ABHD5: variants seen among roughly 807,000 people sequenced by gnomAD.
ABHD5 encodes 1-acylglycerol-3-phosphate O-acyltransferase ABHD5.
ABHD5 carries 30 observed loss-of-function variants against 44.9 expected under a neutral mutation model. That is an observed-to-expected ratio of 0.67 (90% CI 0.50 to 0.91). The LOEUF (loss-of-function observed/expected upper bound fraction) is 0.91, where lower values mean the gene tolerates loss of function less well. Ranked by LOEUF, ABHD5 falls within the 40% of genes least tolerant of loss-of-function variation. The pLI, the probability that ABHD5 is intolerant of heterozygous loss-of-function variation, is 0.00. For synonymous variants in ABHD5, 167 were observed against 147.0 expected (o/e 1.14, Z -0.99); for missense variants, 399 against 423.4 (o/e 0.94, Z 0.50).
At chr3:43,712,356 G>T (rs1373829869) in intron 4 of ABHD5, among the ~76,000 whole-genome samples, 1 of 152,166 alleles carries the variant, frequency 6.6e-6, no homozygotes, top group Non-Finnish European at 1.5e-5. Flanking sequence ...ATGTCAGAGT[G>T]TTGGAAAGAT....
At chr3:43,728,169 C>G (rs113418384) in intron 7 of ABHD5, among the ~76,000 whole-genome samples, 1 of 152,126 alleles carries the variant, frequency 6.6e-6, no homozygotes, top group Non-Finnish European at 1.5e-5. Context: ...ATGGTTGGAG[C>G]CATGCTGATT....
downstream of ABHD5, among the ~76,000 whole-genome samples, chr3:43,723,105 C>T (rs984844076): frequency 6.6e-6 from 1 of 152,082 alleles, no homozygotes; most frequent in African/African-American, 2.4e-5. Context: ...AAGGGGTTTC[C>T]ATTGGCCAAA....
upstream of ABHD5, chr3:43,690,928 G>A (rs186175534): frequency 4.2e-5 from 64 of 1,514,306 alleles, no homozygotes; most frequent in Non-Finnish European, 5.4e-5. Context: ...GCGCCAGCCC[G>A]GGGCGGCCCA....
chr3:43,731,772 G>A (rs1242281929), intron 7 of ABHD5, among the ~76,000 whole-genome samples: 1 of 152,180 alleles, frequency 6.6e-6, no homozygotes, highest in Non-Finnish European at 1.5e-5. Flanking sequence ...ACGGGAGGTT[G>A]TGGTGAGCTG....
At chr3:43,696,468 A>G (rs775834824) in intron 1 of ABHD5, among the ~76,000 whole-genome samples, 1 of 152,200 alleles carries the variant, frequency 6.6e-6, no homozygotes, top group Non-Finnish European at 1.5e-5. Context: ...GCTGAGCAAC[A>G]CTGAATGGCA....
chr3:43,724,403 A>G (rs115724615), downstream of ABHD5, among the ~76,000 whole-genome samples: 404 of 152,266 alleles, frequency 2.7e-3, 2 homozygotes, highest in African/African-American at 9.3e-3. Context: ...GTCATTTCAC[A>G]ATACTGTATA....
At chr3:43,696,073 G>A (rs903183011) in intron 1 of ABHD5, among the ~76,000 whole-genome samples, 4 of 152,194 alleles carry the variant, frequency 2.6e-5, no homozygotes, top group African/African-American at 9.6e-5. Flanking sequence ...TGATGGGGCT[G>A]TGTAGAAAAC....
chr3:43,698,639 A>T lies in ABHD5; in HGVS notation c.48-637A>T, dbSNP rs530026821. Among the ~76,000 whole-genome samples, 11 of 152,280 alleles carry T rather than the reference A, an allele frequency of 7.2e-5. 1 individual carries two copies. The highest frequency in any genetic ancestry group is 2.4e-4 in the African/African-American group (10 of 41,564). On this transcript the variant is annotated intron_variant, in intron 1 of 6. Transcript: ENST00000644371. ...TCTTTGTTGTGCTGTCTTCTGATGG[A>T]TGCTTTGGTCGTTCTGTTCATCTAC...
At chr3:43,712,383 C>T (rs999717876) in intron 4 of ABHD5, among the ~76,000 whole-genome samples, 2 of 152,146 alleles carry the variant, frequency 1.3e-5, no homozygotes, top group African/African-American at 4.8e-5. Context: ...ATTTTTTCCA[C>T]AACATTTTGG....
At position 43,699,289 on chromosome 3, in the gene ABHD5, A is replaced by C; in HGVS notation, c.61A>C (p.Thr21Pro). 1 of 1,614,026 alleles carries C rather than the reference A, an allele frequency of 6.2e-7. No homozygotes were observed. Among genetic ancestry groups the C allele is most frequent in the Non-Finnish European group, 8.5e-7 (1 of 1,179,882 alleles). Residue 21 changes from threonine to proline, a missense_variant, in exon 2 of 7, where the codon ACT becomes CCT. Physicochemically the swap from Thr to Pro is conservative, Grantham distance 38. Transcript: ENST00000644371. ...ADTGERSGWL[T>P]GWLPTWCPTS... The stretch of plus-strand genomic sequence containing the variant: ...TTGGTGCTCTAGGTCAGGATGGCTA[A>C]CTGGTTGGCTCCCCACATGGTGCCC...
chr3:43,704,372 T>C (rs1045013190), intron 3 of ABHD5, among the ~76,000 whole-genome samples: 3 of 152,210 alleles, frequency 2.0e-5, no homozygotes, highest in Admixed American at 6.5e-5. Context: ...CTACTCTTAG[T>C]GACAAACACC....
intron 3 of ABHD5, among the ~76,000 whole-genome samples, chr3:43,705,396 A>T (rs1048362100): frequency 6.6e-6 from 1 of 152,214 alleles, no homozygotes; most frequent in Non-Finnish European, 1.5e-5. Context: ...AAATAAAGAG[A>T]TCATTCTGTG....
At chr3:43,711,114 A>G (rs2084684034) in intron 3 of ABHD5, among the ~76,000 whole-genome samples, 1 of 152,216 alleles carries the variant, frequency 6.6e-6, no homozygotes, top group Non-Finnish European at 1.5e-5. Context: ...CCTTTTCAAC[A>G]ATTCTAGAAT....
intron 3 of ABHD5, among the ~76,000 whole-genome samples, chr3:43,706,370 G>A (rs1047442238): frequency 8.5e-5 from 13 of 152,158 alleles, no homozygotes; most frequent in Admixed American, 4.6e-4. Context: ...GAGGGAAAAA[G>A]TGGTCTGGAG....
intron 3 of ABHD5, 82 bp downstream of exon 3, chr3:43,702,669 G>A (rs1246154503): frequency 1.2e-6 from 2 of 1,604,156 alleles, no homozygotes; most frequent in East Asian, 2.2e-5. Flanking sequence ...GTGGTTGTTA[G>A]TGTCTGAGCC....
intron 3 of ABHD5, among the ~76,000 whole-genome samples, 174 bp from the exon 4 acceptor site, chr3:43,711,535 A>C (rs1235233562): frequency 6.6e-6 from 1 of 152,240 alleles, no homozygotes; most frequent in Non-Finnish European, 1.5e-5. Flanking sequence ...ATCCTACTGA[A>C]TCTCAAAAGT....
chr3:43,706,938 G>A (rs1199333068), intron 3 of ABHD5, among the ~76,000 whole-genome samples: 1 of 152,110 alleles, frequency 6.6e-6, no homozygotes, highest in Admixed American at 6.6e-5. Flanking sequence ...TCTTTTATGG[G>A]CAGCTCCATT....
intron 1 of ABHD5, among the ~76,000 whole-genome samples, chr3:43,693,467 A>T (rs2084428252): frequency 6.6e-6 from 1 of 152,182 alleles, no homozygotes; most frequent in Non-Finnish European, 1.5e-5. Context: ...TCTCTATCTA[A>T]TCTTTTTAAA....
chr3:43,718,372 T>G, intron 6 of ABHD5, 71 bp from the exon 7 acceptor site: 1 of 1,257,904 alleles, frequency 7.9e-7, no homozygotes, highest in East Asian at 2.3e-5. Flanking sequence ...CTAAGTGTCT[T>G]TGCTTATATA....
Sources: allele counts gnomAD v4.1 joint callset (sites outside exome capture counted in the v4.1 genomes callset), GRCh38; gene constraint gnomAD v4.1.1; transcripts MANE v1.5; gene names NCBI Gene and HGNC (gene_info 2026-07-23, HGNC 2026-07-21).